The following KAZN variants were observed in gnomAD, a reference collection of about 807,000 sequenced individuals.
KAZN encodes the protein kazrin, periplakin interacting protein, also known as kazrin.
A neutral mutation model predicts 87.4 loss-of-function variants in KAZN; 40 were observed. The observed-to-expected ratio is 0.46, with a 90% CI of 0.36 to 0.60. The LOEUF is 0.60. Among genes scored for constraint, KAZN ranks in the 20% least tolerant of loss-of-function variants. The probability of loss-of-function intolerance (pLI) is 0.00; values close to 1 mark genes in which losing one functional copy is unlikely to be tolerated. For missense variants in KAZN, 898 were observed against 1,073.9 expected (o/e 0.84, Z 2.29); for synonymous variants, 466 against 458.3 (o/e 1.02, Z -0.22).
At chr1:14,446,491 T>A (rs1265294041) in intron 2 of KAZN, among the ~76,000 whole-genome samples, 1 of 152,026 alleles carries the variant, frequency 6.6e-6, no homozygotes, top group Non-Finnish European at 1.5e-5. Context: ...ATAGTCTCAA[T>A]CTATGTGGAC....
Position 15,056,032 on chromosome 1 carries a change from G to A in KAZN, c.727-59G>A. 2.6e-6 allele frequency: 4 copies of A among 1,523,442 alleles called. No individual in the cohort carries two copies. The highest frequency in any genetic ancestry group is 1.7e-4 in the Middle Eastern group (1 of 5,762). The allele number at this position is 1,523,442 out of a possible 1,614,324, so 94.4% of individuals were successfully genotyped here. A position where few individuals can be genotyped will look rare whatever the true frequency, so the allele number is the denominator to read the frequency against. ...CCATGGCGGTGGGTGGTGCCAAGCA[G>A]CTGGCCAAGAGTTCCCCTTGATCAT... On this transcript the variant is annotated intron_variant, in intron 4 of 14. Coordinates refer to ENST00000376030, the MANE Select transcript of KAZN (RefSeq NM_201628.3). The surrounding 1 kb of genome is among the most constrained non-coding windows in gnomAD (Gnocchi z 5.4).
At chr1:14,454,966 G>T (rs770623855) in intron 2 of KAZN, among the ~76,000 whole-genome samples, 1 of 152,178 alleles carries the variant, frequency 6.6e-6, no homozygotes, top group African/African-American at 2.4e-5. Flanking sequence ...GCACCTGAAG[G>T]CTTGACCAGG....
At chr1:13,954,407 G>A (rs1450434439) in intron 1 of KAZN, among the ~76,000 whole-genome samples, 1 of 152,204 alleles carries the variant, frequency 6.6e-6, no homozygotes, top group Non-Finnish European at 1.5e-5. Context: ...ATAATTTTGT[G>A]CATGACAGGA....
intron 1 of KAZN, among the ~76,000 whole-genome samples, chr1:14,070,625 A>G (rs1224535678): frequency 1.3e-5 from 2 of 152,334 alleles, no homozygotes; most frequent in African/African-American, 2.4e-5. Flanking sequence ...GATATTAAAC[A>G]TCTTAAAGAA....
intron 1 of KAZN, among the ~76,000 whole-genome samples, chr1:14,857,617 C>A (rs1211234717): frequency 6.6e-6 from 1 of 152,154 alleles, no homozygotes; most frequent in Non-Finnish European, 1.5e-5. Context: ...ACTCATTTTG[C>A]AATGTTGAGG....
At chr1:14,861,862 G>T (rs1650891003) in intron 1 of KAZN, among the ~76,000 whole-genome samples, 1 of 152,204 alleles carries the variant, frequency 6.6e-6, no homozygotes, top group African/African-American at 2.4e-5. Context: ...CAGGCGGAGA[G>T]AGCCGATCTG....
chr1:14,912,144 CAAAAAA>C (rs34227761), intron 1 of KAZN, among the ~76,000 whole-genome samples: 1 of 81,728 alleles, frequency 1.2e-5, no homozygotes, highest in African/African-American at 4.8e-5. Flanking sequence ...GACTCCACCT[CAAAAAA>C]AAAAAAAAAA....
intron 1 of KAZN, among the ~76,000 whole-genome samples, chr1:13,978,224 C>G (rs1638470807): frequency 1.3e-5 from 2 of 150,800 alleles, no homozygotes; most frequent in Non-Finnish European, 3.0e-5. Context: ...GAAGCAGTTG[C>G]TAGAAGACTA....
Position 15,056,050 on chromosome 1 carries a change from T to C in KAZN, c.727-41T>C. ...CCAAGCAGCTGGCCAAGAGTTCCCC[T>C]TGATCATGACTTCTTCTTCCTGTCT... On this transcript the variant is annotated intron_variant, in intron 4 of 14. Transcript: ENST00000376030. This position sits in a 1 kb window ranked among gnomAD's most constrained non-coding sequence, Gnocchi z 5.4. The C allele has an allele frequency of 2.6e-6, 4 of 1,568,278 alleles. No homozygotes were observed. Among genetic ancestry groups the C allele is most frequent in the Non-Finnish European group, 3.5e-6 (4 of 1,147,902 alleles).
chr1:14,779,561 T>C (rs1473680), intron 1 of KAZN, among the ~76,000 whole-genome samples: 3,465 of 152,314 alleles, frequency 0.023, 81 homozygotes, highest in African/African-American at 0.064. Context: ...CTCGCAGAAA[T>C]ACTAAACAAA....
At chr1:14,082,655 T>C (rs1643724065) in intron 1 of KAZN, among the ~76,000 whole-genome samples, 1 of 152,178 alleles carries the variant, frequency 6.6e-6, no homozygotes, top group Non-Finnish European at 1.5e-5. Flanking sequence ...CAGCAGTTAA[T>C]GTGTGTTTTT....
intron 2 of KAZN, among the ~76,000 whole-genome samples, chr1:15,033,940 A>AT (rs765049464): frequency 3.9e-5 from 6 of 152,118 alleles, no homozygotes; most frequent in Non-Finnish European, 5.9e-5. Flanking sequence ...GGGTTTCACC[A>AT]TGTTGGCCAG....
intron 2 of KAZN, among the ~76,000 whole-genome samples, chr1:14,549,788 C>G (rs1673394991): frequency 6.6e-6 from 1 of 151,248 alleles, no homozygotes; most frequent in East Asian, 2.0e-4. Context: ...AGGCCTGTAT[C>G]CTGTCTCCAC....
chr1:14,455,052 C>T (rs1294182640), intron 2 of KAZN, among the ~76,000 whole-genome samples: 2 of 112,206 alleles, frequency 1.8e-5, no homozygotes, highest in Non-Finnish European at 4.1e-5. Flanking sequence ...CAATGAGCTT[C>T]CCCAGAGAAA....
At chr1:14,046,916 C>T (rs189253210) in intron 1 of KAZN, among the ~76,000 whole-genome samples, 10 of 152,310 alleles carry the variant, frequency 6.6e-5, no homozygotes, top group Admixed American at 3.9e-4. Flanking sequence ...GAGGGACAAT[C>T]GGAAGGCAAT....
At position 14,444,420 on chromosome 1, in the gene KAZN, C is replaced by T. The variant is rs1666864329; in HGVS notation, c.250-154563C>T. ...CTCCACCTCCCAGGTCCAACTGATT[C>T]TCCTGCCTCAGCCTCCCGAGTAGCT... On this transcript the variant is annotated intron_variant, in intron 2 of 16. Coordinates refer to the KAZN transcript ENST00000636203. Among the ~76,000 whole-genome samples, 12 of 144,070 alleles carry T rather than the reference C, an allele frequency of 8.3e-5. No homozygotes were observed. The South Asian group carries it at 2.6e-3, about 32-fold the overall frequency. The allele number at this position is 144,070 out of a possible 152,430, so 94.5% of individuals were successfully genotyped here. A position where few individuals can be genotyped will look rare whatever the true frequency, so the allele number is the denominator to read the frequency against.
intron 1 of KAZN, among the ~76,000 whole-genome samples, chr1:14,179,131 C>T (rs900958519): frequency 1.3e-5 from 2 of 152,176 alleles, no homozygotes; most frequent in Non-Finnish European, 2.9e-5. Context: ...TGCCCAGACA[C>T]AGGATTGATA....
At chr1:14,808,183 G>GCGGTGTA (rs113633885) in intron 1 of KAZN, among the ~76,000 whole-genome samples, 14 of 152,142 alleles carry the variant, frequency 9.2e-5, no homozygotes, top group African/African-American at 2.7e-4. Flanking sequence ...GAAAGCAAAG[G>GCGGTGTA]CGGTGTATGT....
chr1:14,416,457 CT>C (rs1211529027), intron 2 of KAZN, among the ~76,000 whole-genome samples: 12 of 152,194 alleles, frequency 7.9e-5, no homozygotes, highest in African/African-American at 2.9e-4. Context: ...GAGTTGGTGG[CT>C]GGATGCAGTG....
Sources: allele counts gnomAD v4.1 joint callset (sites outside exome capture counted in the v4.1 genomes callset), GRCh38; gene constraint gnomAD v4.1.1; non-coding constraint Gnocchi (gnomAD v3.1); transcripts MANE v1.5; gene names NCBI Gene and HGNC (gene_info 2026-07-23, HGNC 2026-07-21).